NPSR1: variants seen among roughly 807,000 people sequenced by gnomAD.
The protein encoded by NPSR1 is neuropeptide S receptor.
In NPSR1, 48 loss-of-function variants were observed where a neutral mutation model predicts 46.9. The observed-to-expected ratio is 1.02, with a 90% CI of 0.81 to 1.30. NPSR1 has a LOEUF of 1.30. Among genes scored for constraint, NPSR1 ranks in the 50% most tolerant of loss-of-function variants. The probability of loss-of-function intolerance (pLI) is 0.00; values close to 1 mark genes in which losing one functional copy is unlikely to be tolerated. For missense variants in NPSR1, 450 were observed against 449.5 expected (o/e 1.00, Z -0.01); for synonymous variants, 176 against 168.1 (o/e 1.05, Z -0.36).
intron 8 of NPSR1, among the ~76,000 whole-genome samples, chr7:34,858,132 A>C (rs1791091571): frequency 6.6e-6 from 1 of 151,834 alleles, no homozygotes; most frequent in African/African-American, 2.4e-5. Flanking sequence ...TATGTGCCTT[A>C]AACTAGTAAA....
chr7:34,750,918 C>T, intron 2 of NPSR1: 1 of 737,908 alleles, frequency 1.4e-6, no homozygotes, highest in Non-Finnish European at 2.5e-6. Flanking sequence ...TTCCTCCACC[C>T]CCAGCTCGGG....
chr7:34,827,549 A>G lies in NPSR1; in HGVS notation c.627A>G (p.Pro209=). The change falls in exon 5 of 9, where the codon CCA becomes CCG. Residue 209 remains proline, a synonymous_variant. Coordinates refer to ENST00000360581, the MANE Select transcript of NPSR1 (RefSeq NM_207172.2). The part of the protein sequence containing the change: ...ALWPDDSYWT[P]YMTIVAFLVY... Reference sequence around the variant, plus strand: ...GGCCTGACGACTCCTACTGGACCCCATACATGACCATCGTGGCCTTCCTGG... The same window carrying G: ...GGCCTGACGACTCCTACTGGACCCCGTACATGACCATCGTGGCCTTCCTGG... The G allele has an allele frequency of 6.3e-7, 1 of 1,598,890 alleles. No individual in the cohort carries two copies.
chr7:34,660,820 G>A (rs1210773905), intron 1 of NPSR1, among the ~76,000 whole-genome samples: 1 of 152,002 alleles, frequency 6.6e-6, no homozygotes, highest in East Asian at 1.9e-4. Context: ...GCTCAGCTTG[G>A]GTTGCTTCCT....
chr7:34,718,625 A>G (rs1783696148), intron 2 of NPSR1, among the ~76,000 whole-genome samples: 1 of 152,234 alleles, frequency 6.6e-6, no homozygotes, highest in Non-Finnish European at 1.5e-5. Context: ...GTAGACCTAC[A>G]TTGAAGATCA....
chr7:34,728,924 TAGAG>T (rs1426291676), intron 2 of NPSR1: 2 of 152,592 alleles, frequency 1.3e-5, no homozygotes, highest in African/African-American at 2.4e-5. Context: ...TATTAAATAA[TAGAG>T]AGAAATTTAC....
chr7:34,745,726 C>T (rs1344225163), intron 2 of NPSR1, among the ~76,000 whole-genome samples: 3 of 152,164 alleles, frequency 2.0e-5, no homozygotes, highest in Non-Finnish European at 2.9e-5. Context: ...GTTGCCCAGG[C>T]TGGTCTTAAA....
chr7:34,823,391 C>A, intron 4 of NPSR1, among the ~76,000 whole-genome samples: 1 of 56,358 alleles, frequency 1.8e-5, no homozygotes, highest in Non-Finnish European at 3.8e-5. Context: ...CAGAGCAAGA[C>A]TTCACCAGAA....
intron 2 of NPSR1, among the ~76,000 whole-genome samples, chr7:34,718,246 A>G (rs959618819): frequency 2.0e-5 from 3 of 152,240 alleles, no homozygotes; most frequent in Non-Finnish European, 4.4e-5. Context: ...ATATTTTCCA[A>G]AATGACAAAA....
At chr7:34,755,019 C>T (rs899254833) in intron 2 of NPSR1, among the ~76,000 whole-genome samples, 5 of 152,064 alleles carry the variant, frequency 3.3e-5, no homozygotes, top group African/African-American at 4.8e-5. Context: ...TTTGTTTATC[C>T]GTTCATCAGT....
chr7:34,839,849 G>A (rs531017464), intron 6 of NPSR1, among the ~76,000 whole-genome samples: 1 of 152,206 alleles, frequency 6.6e-6, no homozygotes, highest in South Asian at 2.1e-4. Flanking sequence ...TCTGAGCAAG[G>A]TTTGGGGTGG....
intron 2 of NPSR1, among the ~76,000 whole-genome samples, chr7:34,736,981 T>C (rs1473150395): frequency 6.6e-6 from 1 of 150,658 alleles, no homozygotes; most frequent in Admixed American, 6.6e-5. Flanking sequence ...CGCACTGCCC[T>C]GAACTCTTTC....
intron 1 of NPSR1, among the ~76,000 whole-genome samples, chr7:34,664,914 T>C (rs1289700195): frequency 6.6e-6 from 1 of 152,182 alleles, no homozygotes; most frequent in Non-Finnish European, 1.5e-5. Context: ...TAGGCAATAT[T>C]GATGGCTGCC....
chr7:34,689,955 TAAA>T (rs112039936), intron 2 of NPSR1, among the ~76,000 whole-genome samples: 6 of 136,662 alleles, frequency 4.4e-5, no homozygotes, highest in Admixed American at 7.4e-5. Flanking sequence ...TAAAAAAAAT[TAAA>T]AAAAAAAAAA....
rs1562759014 is a variant in NPSR1 at position 34,827,458 on chromosome 7, T to C, written c.536T>C (p.Ile179Thr). ...IAWSLSFLFS[I>T]PTLIIFGKRT... ...TGGAGCCTGTCTTTTCTGTTCTCCA[T>C]TCCCACCCTGATCATATTTGGGAAG... The change falls in exon 5 of 9, where the codon ATT becomes ACT. Residue 179 changes from isoleucine to threonine, a missense_variant. Coordinates refer to ENST00000360581, the MANE Select transcript of NPSR1 (RefSeq NM_207172.2). 1 of 1,614,096 alleles carries C rather than the reference T, an allele frequency of 6.2e-7. No individual in the cohort carries two copies. Among genetic ancestry groups the C allele is most frequent in the South Asian group, 1.1e-5 (1 of 91,080 alleles).
At chr7:34,809,620 C>A (rs562787482) in intron 3 of NPSR1, among the ~76,000 whole-genome samples, 1 of 151,982 alleles carries the variant, frequency 6.6e-6, no homozygotes, top group African/African-American at 2.4e-5. Flanking sequence ...CCCGCCACTA[C>A]GCCCGGCTAA....
intron 1 of NPSR1, among the ~76,000 whole-genome samples, chr7:34,675,623 C>A (rs1055133460): frequency 6.6e-6 from 1 of 152,216 alleles, no homozygotes; most frequent in Non-Finnish European, 1.5e-5. Flanking sequence ...TTAGTGCCTG[C>A]CAGCATGGGC....
At chr7:34,803,414 G>C (rs989429098) in intron 3 of NPSR1, among the ~76,000 whole-genome samples, 1 of 152,164 alleles carries the variant, frequency 6.6e-6, no homozygotes, top group African/African-American at 2.4e-5. Context: ...CATGTCCTTT[G>C]TAGGGACATG....
intron 2 of NPSR1, among the ~76,000 whole-genome samples, chr7:34,774,101 C>A (rs2128734641): frequency 6.6e-6 from 1 of 152,316 alleles, no homozygotes; most frequent in Admixed American, 6.5e-5. Context: ...TAACCATATT[C>A]ATTGCTTGCA....
rs199608545 is a variant in NPSR1 at position 34,856,910 on chromosome 7, T to TG, written c.1025+8255dup. Among the ~76,000 whole-genome samples the TG allele has an allele frequency of 3.5e-3, 525 of 150,998 alleles. 12 individuals are homozygous for TG. The highest frequency in any genetic ancestry group is 0.01 in the African/African-American group (420 of 40,784). On this transcript the variant is annotated intron_variant, in intron 8 of 8. Coordinates refer to the NPSR1 transcript ENST00000359791. ...AAAACTGGTCCAGTCTTTATGTAGA[T>TG]GGGGGGGGAAATCTCTTCTAGCATC...
Sources: allele counts gnomAD v4.1 joint callset (sites outside exome capture counted in the v4.1 genomes callset), GRCh38; gene constraint gnomAD v4.1.1; transcripts MANE v1.5; gene names NCBI Gene and HGNC (gene_info 2026-07-23, HGNC 2026-07-21).